The following TENM4 variants were observed in gnomAD, a reference collection of about 807,000 sequenced individuals.
TENM4 encodes the protein teneurin-4.
TENM4 carries 82 observed loss-of-function variants against 243.3 expected under a neutral mutation model. The observed-to-expected ratio is 0.34, with a 90% CI of 0.28 to 0.40. TENM4 has a LOEUF of 0.40. Among genes scored for constraint, TENM4 ranks in the 10% least tolerant of loss-of-function variants. The pLI is 1.00. For missense variants in TENM4, 3,138 were observed against 3,673.3 expected (o/e 0.85, Z 3.77); for synonymous variants, 1,412 against 1,456.3 (o/e 0.97, Z 0.69).
At chr11:79,041,225 G>A (rs546505541) in intron 6 of TENM4, among the ~76,000 whole-genome samples, 65 of 152,212 alleles carry the variant, frequency 4.3e-4, no homozygotes, top group African/African-American at 1.4e-3. Context: ...CACTGCACCT[G>A]GCTAATTTTT....
At chr11:79,321,302 T>C (rs1411915154) in intron 1 of TENM4, among the ~76,000 whole-genome samples, 1 of 151,896 alleles carries the variant, frequency 6.6e-6, no homozygotes, top group African/African-American at 2.4e-5. Flanking sequence ...AACACATGCA[T>C]CCCCCACCAC....
At chr11:78,678,023 G>T (rs961199271) in intron 29 of TENM4, among the ~76,000 whole-genome samples, 3 of 80,822 alleles carry the variant, frequency 3.7e-5, no homozygotes, top group Non-Finnish European at 5.0e-5. Context: ...AATATGCGGT[G>T]TTTGGTTTTT....
At chr11:78,666,184 C>G (rs897352054) in intron 32 of TENM4, among the ~76,000 whole-genome samples, 1 of 152,088 alleles carries the variant, frequency 6.6e-6, no homozygotes, top group African/African-American at 2.4e-5. Flanking sequence ...TTTAAATTTG[C>G]TAAAAACTGC....
At chr11:79,385,935 AACAG>A (rs1858102762) in intron 1 of TENM4, among the ~76,000 whole-genome samples, 1 of 152,150 alleles carries the variant, frequency 6.6e-6, no homozygotes, top group Admixed American at 6.5e-5. Flanking sequence ...GTCTCTATTA[AACAG>A]CACAGAACAA....
At chr11:78,807,923 G>A (rs1857424080) in intron 14 of TENM4, among the ~76,000 whole-genome samples, 1 of 152,206 alleles carries the variant, frequency 6.6e-6, no homozygotes, top group Non-Finnish European at 1.5e-5. Flanking sequence ...ACTGACTACT[G>A]ACTTCTCAGG....
intron 4 of TENM4, among the ~76,000 whole-genome samples, chr11:79,111,198 C>T (rs1209948752): frequency 6.6e-6 from 1 of 152,168 alleles, no homozygotes; most frequent in Non-Finnish European, 1.5e-5. Flanking sequence ...TGCCTTTCGC[C>T]TTCCACCATA....
intron 4 of TENM4, among the ~76,000 whole-genome samples, chr11:79,104,353 C>T (rs1007688448): frequency 5.3e-5 from 8 of 152,260 alleles, no homozygotes; most frequent in African/African-American, 1.9e-4. Context: ...CCTCACTACT[C>T]AGAATCACAA....
At chr11:79,009,580 C>A (rs1206279321) in intron 6 of TENM4, among the ~76,000 whole-genome samples, 6 of 152,168 alleles carry the variant, frequency 3.9e-5, no homozygotes, top group Admixed American at 3.9e-4. Context: ...GCATTATGGA[C>A]AGTTTTTGGA....
In TENM4 at chr11:79,122,546, G is replaced by A. The variant is rs940432699; in HGVS notation, c.-66+26164C>T. Among the ~76,000 whole-genome samples, 24 of 152,124 alleles carry A rather than the reference G, an allele frequency of 1.6e-4. 1 individual carries two copies. Among genetic ancestry groups the A allele is most frequent in the Non-Finnish European group, 5.9e-5 (4 of 68,022 alleles). On this transcript the variant is annotated intron_variant, in intron 4 of 33. Coordinates refer to ENST00000278550, the MANE Select transcript of TENM4 (RefSeq NM_001098816.3). Reference sequence around the variant, plus strand: ...GAGGGGACTGGATTCATGACCTTTTGGAGATAGCATCTCTAGGCCTTGGTG... The same window carrying A: ...GAGGGGACTGGATTCATGACCTTTTAGAGATAGCATCTCTAGGCCTTGGTG...
At chr11:78,813,993 AC>A (rs142409980) in intron 13 of TENM4, among the ~76,000 whole-genome samples, 1 of 151,822 alleles carries the variant, frequency 6.6e-6, no homozygotes, top group East Asian at 1.9e-4. Context: ...TTTTAAAAGA[AC>A]CCCCACTGCC....
rs1860205173 is a variant in TENM4 at position 79,064,969 on chromosome 11, C to T, written c.262G>A (p.Val88Ile). 2 of 1,471,276 alleles carry T rather than the reference C, an allele frequency of 1.4e-6. No individual in the cohort carries two copies. Among genetic ancestry groups the T allele is most frequent in the Non-Finnish European group, 1.8e-6 (2 of 1,106,484 alleles). 91.1% of individuals were successfully genotyped at this position (1,471,276 alleles called of 1,614,324 possible). A position where few individuals can be genotyped will look rare whatever the true frequency, so the allele number is the denominator to read the frequency against. ...TACAGGGTCCCGTGAGGGGGCGTTA[C>T]TTCTTCCAGCCCCAGCTCCCGCAGG... is the stretch of plus-strand genomic sequence containing the variant. ...FTLRELGLEE[V>I]TPPHGTLYRT... The change falls in exon 6 of 34, where the codon GTA becomes ATA. Residue 88 changes from valine (V) to isoleucine (I), a missense_variant. By Grantham distance (29) the Val-to-Ile change is conservative. Transcript: ENST00000278550.
chr11:79,194,779 C>T (rs1863587039), intron 3 of TENM4, among the ~76,000 whole-genome samples: 1 of 152,182 alleles, frequency 6.6e-6, no homozygotes, highest in Non-Finnish European at 1.5e-5. Flanking sequence ...AAAGAAAATT[C>T]CATTTTCTGG....
At chr11:78,708,538 A>G (rs1859312985) in intron 26 of TENM4, 23 bp from the exon 27 acceptor site, 2 of 1,611,376 alleles carry the variant, frequency 1.2e-6, no homozygotes, top group Middle Eastern at 1.6e-4. Context: ...AAGCCAAAAC[A>G]GGAACTCAGC....
At chr11:78,974,719 TTTTC>T (rs1267935969) in intron 6 of TENM4, among the ~76,000 whole-genome samples, 119 of 136,870 alleles carry the variant, frequency 8.7e-4, no homozygotes, top group East Asian at 3.8e-3. Context: ...TTTTCTTTTC[TTTTC>T]TTTTTTTTTT....
chr11:78,928,755 A>C (rs1856605854), intron 6 of TENM4, among the ~76,000 whole-genome samples: 1 of 152,250 alleles, frequency 6.6e-6, no homozygotes, highest in African/African-American at 2.4e-5. Flanking sequence ...CTACCAAACA[A>C]GTACTGATTG....
intron 1 of TENM4, chr11:79,401,955 C>T (rs1037960090): frequency 9.3e-6 from 3 of 321,022 alleles, no homozygotes; most frequent in African/African-American, 4.2e-5. Context: ...GTGGTTGACG[C>T]CATGGGGATG....
At chr11:79,217,600 T>C (rs973144621) in intron 2 of TENM4, among the ~76,000 whole-genome samples, 6 of 152,226 alleles carry the variant, frequency 3.9e-5, no homozygotes, top group African/African-American at 1.4e-4. Context: ...TGTTTCTTTA[T>C]GGCAAATTAT....
At chr11:78,916,445 T>C (rs971751825) in intron 6 of TENM4, among the ~76,000 whole-genome samples, 2 of 152,252 alleles carry the variant, frequency 1.3e-5, no homozygotes, top group Admixed American at 1.3e-4. Flanking sequence ...TAGTGCTTGG[T>C]GGCTATAAAA....
chr11:79,076,300 GT>G (rs1565193619), intron 4 of TENM4: 1 of 152,238 alleles, frequency 6.6e-6, no homozygotes, highest in East Asian at 1.9e-4. Flanking sequence ...GTATGAGTTT[GT>G]TTTCACGCTA....
Sources: gnomAD v4.1 joint callset for allele counts (sites outside exome capture counted in the v4.1 genomes callset) on GRCh38, gnomAD v4.1.1 for gene constraint, MANE v1.5 for transcripts, NCBI Gene and HGNC (gene_info 2026-07-23, HGNC 2026-07-21) for gene names.